CBFA2T3: variants seen among roughly 807,000 people sequenced by gnomAD.
The protein encoded by CBFA2T3 is CBFA2/RUNX1 partner transcriptional co-repressor 3.
CBFA2T3 carries 31 observed loss-of-function variants against 58.6 expected under a neutral mutation model. The ratio of observed to expected loss-of-function variants is 0.53; its 90% CI spans 0.40 to 0.71. The LOEUF (loss-of-function observed/expected upper bound fraction) is 0.71. Among genes scored for constraint, CBFA2T3 ranks in the 30% least tolerant of loss-of-function variants. CBFA2T3 has a pLI of 0.00. For missense variants in CBFA2T3, 1,076 were observed against 963.1 expected, an observed-to-expected ratio of 1.12 and a Z score of -1.55; for synonymous variants, 531 against 421.9, an observed-to-expected ratio of 1.26 and a Z score of -3.17.
At chr16:88,942,547 C>T (rs1299214853) in intron 1 of CBFA2T3, among the ~76,000 whole-genome samples, 1 of 152,218 alleles carries the variant, frequency 6.6e-6, no homozygotes, top group Non-Finnish European at 1.5e-5. Context: ...TTGGCTCTAC[C>T]CACCTGAGCT....
intron 11 of CBFA2T3, among the ~76,000 whole-genome samples, chr16:88,878,566 G>A (rs1968929197): frequency 6.6e-6 from 1 of 152,346 alleles, no homozygotes; most frequent in Admixed American, 6.5e-5. Flanking sequence ...GGCCTGCCGT[G>A]TGCACCGGGA....
At chr16:88,918,740 C>T (rs917328117) in intron 1 of CBFA2T3, among the ~76,000 whole-genome samples, 3 of 152,224 alleles carry the variant, frequency 2.0e-5, no homozygotes, top group Non-Finnish European at 4.4e-5. Flanking sequence ...CCAGAAGTTC[C>T]ATGGCAGGTC....
At chr16:88,954,398 T>TGCTG (rs1972158392) in intron 1 of CBFA2T3, among the ~76,000 whole-genome samples, 2 of 80,700 alleles carry the variant, frequency 2.5e-5, no homozygotes, top group Non-Finnish European at 4.7e-5. Context: ...CTCCTGACCC[T>TGCTG]ACCCAAGACT....
intron 1 of CBFA2T3, among the ~76,000 whole-genome samples, chr16:88,960,584 C>A (rs1972332755): frequency 1.3e-5 from 2 of 152,224 alleles, no homozygotes; most frequent in Non-Finnish European, 2.9e-5. Context: ...TTGTCCTCTG[C>A]CCCTTCTTCC....
At chr16:88,899,657 C>A (rs1970024400) in intron 2 of CBFA2T3, among the ~76,000 whole-genome samples, 1 of 152,206 alleles carries the variant, frequency 6.6e-6, no homozygotes, top group African/African-American at 2.4e-5. Context: ...ACCTTCCAAG[C>A]AGAGGCTGCT....
intron 1 of CBFA2T3, among the ~76,000 whole-genome samples, chr16:88,909,965 T>C (rs917125961): frequency 1.3e-5 from 2 of 152,190 alleles, no homozygotes; most frequent in South Asian, 4.1e-4. Context: ...CTCCAACACA[T>C]TTCCCAAGAG....
At chr16:88,913,863 G>T (rs997409197) in intron 1 of CBFA2T3, among the ~76,000 whole-genome samples, 5 of 152,242 alleles carry the variant, frequency 3.3e-5, no homozygotes, top group Non-Finnish European at 5.9e-5. Context: ...CTTCATTTTG[G>T]AAAGCTGTTT....
intron 1 of CBFA2T3, among the ~76,000 whole-genome samples, chr16:88,911,620 G>A (rs1300289519): frequency 3.3e-5 from 5 of 152,260 alleles, no homozygotes; most frequent in African/African-American, 1.2e-4. Flanking sequence ...ATGGGAATGG[G>A]GATGGAATTC....
chr16:88,889,711 C>G (rs533292653), intron 5 of CBFA2T3, among the ~76,000 whole-genome samples: 21 of 150,824 alleles, frequency 1.4e-4, no homozygotes, highest in Non-Finnish European at 2.7e-4. Flanking sequence ...CGACACCCCG[C>G]GATTCCTCCT....
In CBFA2T3 at chr16:88,945,566, A is replaced by G. The variant is rs541306370; in HGVS notation, c.151+31091T>C. Among the ~76,000 whole-genome samples, 4 of 152,368 alleles carry G rather than the reference A, an allele frequency of 2.6e-5. No individual in the cohort carries two copies. In the East Asian group the frequency reaches 7.7e-4, roughly 29 times the overall value. On this transcript the variant is annotated intron_variant, in intron 1 of 11. Transcript: ENST00000268679. ...AGATGATCTGGCAAATAAGCACAGG[A>G]AACGATGCCCAGCAGCCTTGCCACT...
rs568358787 is a variant in CBFA2T3 at position 88,891,399 on chromosome 16, G to A, written c.711+483C>T. Among the ~76,000 whole-genome samples, 9 of 152,272 alleles carry A rather than the reference G, an allele frequency of 5.9e-5. No homozygotes were observed. In the South Asian group the frequency reaches 1.0e-3, roughly 18 times the overall value. On this transcript the variant is annotated intron_variant, in intron 5 of 11. Coordinates refer to ENST00000268679, the MANE Select transcript of CBFA2T3 (RefSeq NM_005187.6). ...GACTTTCGGAATACTTCTCCACCAC[G>A]TGCAGCTGCAGATTTGAGAGTGGCT...
chr16:88,903,435 G>A (rs884969), intron 1 of CBFA2T3, among the ~76,000 whole-genome samples: 7,428 of 152,194 alleles, frequency 0.049, 275 homozygotes, highest in African/African-American at 0.1. Context: ...CACAGGCCTC[G>A]CGGCACCTGC....
At position 88,885,093 on chromosome 16, in the gene CBFA2T3, T is replaced by G; in HGVS notation, c.1070A>C (p.Tyr357Ser). 1.9e-6 allele frequency: 3 copies of G among 1,602,338 alleles called. No individual in the cohort carries two copies. Among genetic ancestry groups the G allele is most frequent in the Non-Finnish European group, 2.5e-6 (3 of 1,177,534 alleles). ...IAMAHHFRDA[Y>S]RHPDPRELRE... ...TAGCTCCCGGGGGTCTGGGTGGCGGTAGGCATCTCGGAAGTGGTGGGCCAT... is the reference window on the plus strand; with the variant it reads ...TAGCTCCCGGGGGTCTGGGTGGCGGGAGGCATCTCGGAAGTGGTGGGCCAT... The change falls in exon 7 of 12, where the codon TAC becomes TCC. Residue 357 changes from tyrosine to serine, a missense_variant. Physicochemically the swap from Tyr to Ser is moderately radical, Grantham distance 144. Coordinates refer to ENST00000268679, the MANE Select transcript of CBFA2T3 (RefSeq NM_005187.6). This position sits in a 1 kb window ranked among gnomAD's most constrained non-coding sequence, Gnocchi z 5.3.
intron 1 of CBFA2T3, among the ~76,000 whole-genome samples, chr16:88,973,947 T>G (rs976866457): frequency 6.6e-6 from 1 of 152,010 alleles, no homozygotes; most frequent in Non-Finnish European, 1.5e-5. Flanking sequence ...CGCCCGCCTT[T>G]GCCTGCACCC....
In CBFA2T3 at chr16:88,976,820, C is replaced by T. The variant is rs373156447; in HGVS notation, c.-13G>A. 101 of 1,545,314 alleles carry T rather than the reference C, an allele frequency of 6.5e-5. 1 individual carries two copies. In the African/African-American group the frequency reaches 1.1e-3, roughly 17 times the overall value. On this transcript the variant is annotated 5_prime_UTR_variant, in exon 1 of 12. Transcript: ENST00000268679. The stretch of plus-strand genomic sequence containing the variant: ...TTGAAGCCGGCATGAGGAGGGCCAC[C>T]CTCAGGGGCCAACCTGGAGCCCAGG...
At chr16:88,902,073 C>T (rs149093195) in intron 1 of CBFA2T3, among the ~76,000 whole-genome samples, 2 of 152,364 alleles carry the variant, frequency 1.3e-5, no homozygotes, top group African/African-American at 4.8e-5. Context: ...TTCAGCAGGT[C>T]AGGCTGAGAC....
At chr16:88,895,467 C>G (rs887691213) in intron 3 of CBFA2T3, among the ~76,000 whole-genome samples, 1 of 152,204 alleles carries the variant, frequency 6.6e-6, no homozygotes, top group African/African-American at 2.4e-5. Flanking sequence ...GGCAAATGGG[C>G]TCCGAGGAAC....
At chr16:88,976,473 C>T (rs778311721) in intron 1 of CBFA2T3, among the ~76,000 whole-genome samples, 184 bp downstream of exon 1, 1 of 152,236 alleles carries the variant, frequency 6.6e-6, no homozygotes, top group African/African-American at 2.4e-5. Flanking sequence ...GCCCACCTGC[C>T]CCAGCTGTGC....
At chr16:88,902,039 C>G (rs763754515) in intron 1 of CBFA2T3, among the ~76,000 whole-genome samples, 1 of 152,214 alleles carries the variant, frequency 6.6e-6, no homozygotes, top group East Asian at 1.9e-4. Context: ...TCAGACAGAC[C>G]TCAGCCTCTT....
Sources: gnomAD v4.1 joint callset for allele counts (sites outside exome capture counted in the v4.1 genomes callset) on GRCh38, gnomAD v4.1.1 for gene constraint, Gnocchi (gnomAD v3.1) non-coding constraint, MANE v1.5 for transcripts, NCBI Gene and HGNC (gene_info 2026-07-23, HGNC 2026-07-21) for gene names.